The following GFPT2 variants were observed in gnomAD, a reference collection of about 807,000 sequenced individuals.
The protein encoded by GFPT2 is glutamine--fructose-6-phosphate transaminase 2, also known as glutamine--fructose-6-phosphate aminotransferase [isomerizing] 2.
Under a neutral mutation model 85.6 loss-of-function variants are expected in GFPT2, and 62 were observed. The observed-to-expected ratio is 0.72, with a 90% confidence interval of 0.59 to 0.90. The LOEUF (loss-of-function observed/expected upper bound fraction) is 0.90, where lower values mean the gene tolerates loss of function less well. Among genes scored for constraint, GFPT2 ranks in the 40% least tolerant of loss-of-function variants. The pLI is 0.00. For missense variants in GFPT2, 788 were observed against 893.4 expected (o/e 0.88, Z 1.50); for synonymous variants, 368 against 344.5 (o/e 1.07, Z -0.75).
Position 180,330,698 on chromosome 5 carries a change from A to G in GFPT2, c.534+2T>C. The G allele has an allele frequency of 1.2e-6, 2 of 1,611,610 alleles. No homozygotes were observed. The highest frequency in any genetic ancestry group is 1.7e-6 in the Non-Finnish European group (2 of 1,177,774). On this transcript the variant is annotated splice_donor_variant, in intron 6 of 18. Transcript: ENST00000253778. LOFTEE classifies it high-confidence loss of function. This position sits in a 1 kb window ranked among gnomAD's most constrained non-coding sequence, Gnocchi z 4.4. Reference sequence around the variant, plus strand: ...GTTAGACAGATGGGATTTGTAACTCACCAACTGCTGAATGACTCTCTCGAC... The same window carrying G: ...GTTAGACAGATGGGATTTGTAACTCGCCAACTGCTGAATGACTCTCTCGAC...
At chr5:180,341,515 A>C (rs1426429473) in intron 1 of GFPT2, among the ~76,000 whole-genome samples, 1 of 152,252 alleles carries the variant, frequency 6.6e-6, no homozygotes. Context: ...ATAGGCAATA[A>C]AATTAAATAG....
Position 180,304,950 on chromosome 5 carries a change from G to T in GFPT2, c.1675-11C>A, listed in dbSNP as rs377069145. The T allele has an allele frequency of 5.6e-6, 9 of 1,597,466 alleles. No individual in the cohort carries two copies. Among genetic ancestry groups the T allele is most frequent in the Non-Finnish European group, 7.7e-6 (9 of 1,166,068 alleles). On this transcript the variant is annotated splice_polypyrimidine_tract_variant and intron_variant, in intron 16 of 18. Transcript: ENST00000253778. ...TATCTCTTTAATTTTCTGGAAACAGGAGGTGAGATCAGAGTCACACTGGGC... is the reference window on the plus strand; with the variant it reads ...TATCTCTTTAATTTTCTGGAAACAGTAGGTGAGATCAGAGTCACACTGGGC...
chr5:180,335,889 C>T lies in GFPT2; in HGVS notation c.279G>A (p.Trp93Ter). 6.3e-7 allele frequency: 1 copy of T among 1,584,424 alleles called. No homozygotes were observed. Among genetic ancestry groups the T allele is most frequent in the Non-Finnish European group, 8.5e-7 (1 of 1,170,258 alleles). ...ETHFGIAHTR[W>*]ATHGVPSAVN... ...CAGCACTGGGGACCCCGTGGGTGGC[C>T]CAGCGCGTGTGGGCAATGCCGAAGT... The change falls in exon 4 of 19, where the codon TGG becomes TGA. Residue 93 changes from tryptophan (W) to a stop codon, truncating the protein, a stop_gained. Transcript: ENST00000253778. LOFTEE classifies it high-confidence loss of function.
At chr5:180,311,260 C>T (rs988267000) in intron 15 of GFPT2, among the ~76,000 whole-genome samples, 1 of 152,210 alleles carries the variant, frequency 6.6e-6, no homozygotes, top group Non-Finnish European at 1.5e-5. Flanking sequence ...GATTCATCTC[C>T]GCCTCTCAGG....
intron 4 of GFPT2, among the ~76,000 whole-genome samples, chr5:180,332,144 C>T (rs2127654278): frequency 6.6e-6 from 1 of 151,622 alleles, no homozygotes; most frequent in Non-Finnish European, 1.5e-5. Flanking sequence ...CCAGCTGCAG[C>T]TTTTCCCACC....
chr5:180,351,301 G>A (rs1047134163), intron 1 of GFPT2, among the ~76,000 whole-genome samples: 1 of 152,234 alleles, frequency 6.6e-6, no homozygotes, highest in Non-Finnish European at 1.5e-5. Flanking sequence ...AAGTGTCAGA[G>A]AGATGTTAAG....
At chr5:180,343,354 G>A (rs919207934) in intron 1 of GFPT2, among the ~76,000 whole-genome samples, 22 of 152,322 alleles carry the variant, frequency 1.4e-4, no homozygotes, top group Admixed American at 2.6e-4. Context: ...GGACAGCAGC[G>A]GGGGCATAAG....
intron 2 of GFPT2, among the ~76,000 whole-genome samples, chr5:180,337,969 C>T (rs1764434262): frequency 6.6e-6 from 1 of 151,892 alleles, no homozygotes; most frequent in Non-Finnish European, 1.5e-5. Context: ...CTCATCTCTA[C>T]AAAAAATAAA....
rs372543131 is a variant in GFPT2, at chr5:180,301,546, C to T, written c.*18G>A. 453 of 1,604,556 alleles carry T rather than the reference C, an allele frequency of 2.8e-4. No individual in the cohort carries two copies. The highest frequency in any genetic ancestry group is 9.3e-4 in the Admixed American group (56 of 60,004). The stretch of plus-strand genomic sequence containing the variant: ...GAATCAGATGAAAGGTGGTGATGGT[C>T]TTGTCACGGTCTCAGCCTCATTCCA... On this transcript the variant is annotated 3_prime_UTR_variant, in exon 19 of 19. Coordinates refer to ENST00000253778, the MANE Select transcript of GFPT2 (RefSeq NM_005110.4).
chr5:180,325,973 C>T (rs533256843), intron 7 of GFPT2, among the ~76,000 whole-genome samples: 121 of 152,150 alleles, frequency 8.0e-4, no homozygotes, highest in African/African-American at 2.8e-3. Context: ...TGCAATGAGC[C>T]GAGATCGTGC....
At chr5:180,347,202 A>G (rs146755198) in intron 1 of GFPT2, among the ~76,000 whole-genome samples, 60 of 152,328 alleles carry the variant, frequency 3.9e-4, no homozygotes, top group African/African-American at 1.2e-3. Flanking sequence ...GGCTTTATGG[A>G]AAGTCTGAGA....
At chr5:180,344,646 C>A (rs1346702915) in intron 1 of GFPT2, among the ~76,000 whole-genome samples, 1 of 152,180 alleles carries the variant, frequency 6.6e-6, no homozygotes, top group Non-Finnish European at 1.5e-5. Flanking sequence ...ACCTGGGACC[C>A]CCAGCCAGGC....
intron 1 of GFPT2, among the ~76,000 whole-genome samples, chr5:180,341,346 C>T (rs1005013030): frequency 1.3e-5 from 2 of 152,106 alleles, no homozygotes; most frequent in African/African-American, 4.8e-5. Context: ...TGATTATATA[C>T]GAAACCACCT....
At chr5:180,306,600 A>G (rs1269822110) in intron 16 of GFPT2, among the ~76,000 whole-genome samples, 1 of 152,036 alleles carries the variant, frequency 6.6e-6, no homozygotes, top group East Asian at 1.9e-4. Flanking sequence ...ATGGCCTGTC[A>G]CCAATTTTTG....
intron 17 of GFPT2, among the ~76,000 whole-genome samples, chr5:180,304,053 A>C (rs559593025): frequency 6.4e-4 from 98 of 152,214 alleles, no homozygotes; most frequent in Admixed American, 1.5e-3. Flanking sequence ...CTGCCTACTT[A>C]ATAAAACCAC....
intron 1 of GFPT2, among the ~76,000 whole-genome samples, chr5:180,350,045 T>C (rs2127659098): frequency 6.6e-6 from 1 of 152,220 alleles, no homozygotes; most frequent in Middle Eastern, 3.4e-3. Context: ...CCAGCGTGCC[T>C]GCCACCCCCT....
chr5:180,306,263 G>A (rs1763776244), intron 16 of GFPT2, among the ~76,000 whole-genome samples: 1 of 152,192 alleles, frequency 6.6e-6, no homozygotes, highest in Non-Finnish European at 1.5e-5. Flanking sequence ...GGGATTACAG[G>A]CGTGGACCAC....
At chr5:180,331,813 G>A (rs1038968739) in intron 4 of GFPT2, among the ~76,000 whole-genome samples, 4 of 152,174 alleles carry the variant, frequency 2.6e-5, no homozygotes, top group Non-Finnish European at 5.9e-5. Flanking sequence ...TCAGTGACCA[G>A]CAGCCACCAG....
chr5:180,339,664 C>T (rs1047383986), intron 1 of GFPT2, among the ~76,000 whole-genome samples: 1 of 152,178 alleles, frequency 6.6e-6, no homozygotes, highest in South Asian at 2.1e-4. Context: ...TCCCATCATC[C>T]CTCTGTCCTT....
Sources: allele counts gnomAD v4.1 joint callset (sites outside exome capture counted in the v4.1 genomes callset), GRCh38; gene constraint gnomAD v4.1.1; non-coding constraint Gnocchi (gnomAD v3.1); transcripts MANE v1.5; gene names NCBI Gene and HGNC (gene_info 2026-07-23, HGNC 2026-07-21).